The following TMPRSS11A variants were observed in gnomAD, a reference collection of about 807,000 sequenced individuals.
TMPRSS11A encodes the protein transmembrane serine protease 11A.
Under a neutral mutation model 58.9 loss-of-function variants are expected in TMPRSS11A, and 53 were observed. That is an observed-to-expected ratio of 0.90 (90% CI 0.72 to 1.13). TMPRSS11A has a LOEUF of 1.13. Among genes scored for constraint, TMPRSS11A ranks in the 50% most tolerant of loss-of-function variants. The pLI, the probability that TMPRSS11A is intolerant of heterozygous loss-of-function variation, is 0.00. For synonymous variants in TMPRSS11A, 167 were observed against 169.8 expected, an observed-to-expected ratio of 0.98 and a Z score of 0.13; for missense variants, 493 against 499.3, an observed-to-expected ratio of 0.99 and a Z score of 0.12.
intron 1 of TMPRSS11A, 56 bp downstream of exon 1, chr4:67,963,327 G>T: frequency 1.9e-6 from 3 of 1,596,940 alleles, no homozygotes; most frequent in African/African-American, 1.3e-5. Flanking sequence ...TCAGGAATCC[G>T]GCCACTGACA....
At chr4:67,948,565 A>G (rs957648867) in intron 1 of TMPRSS11A, among the ~76,000 whole-genome samples, 3 of 152,234 alleles carry the variant, frequency 2.0e-5, no homozygotes, top group Admixed American at 2.0e-4. Flanking sequence ...ATTAATCAAG[A>G]ATCCTCATGG....
intron 1 of TMPRSS11A, among the ~76,000 whole-genome samples, chr4:67,956,787 C>T (rs1021859383): frequency 6.6e-6 from 1 of 152,200 alleles, no homozygotes; most frequent in African/African-American, 2.4e-5. Flanking sequence ...CATCCTCTCT[C>T]TTTTATCTAT....
chr4:67,924,662 A>T (rs1054199286), intron 5 of TMPRSS11A, among the ~76,000 whole-genome samples: 7 of 152,210 alleles, frequency 4.6e-5, no homozygotes, highest in African/African-American at 1.7e-4. Flanking sequence ...GGCAAAAGGC[A>T]TGTCTTACAT....
At chr4:67,946,299 G>T in intron 2 of TMPRSS11A, 151 bp downstream of exon 2, 1 of 699,234 alleles carries the variant, frequency 1.4e-6, no homozygotes. Context: ...GTACTTGTTT[G>T]TTGATGAAAT....
At chr4:67,953,313 G>C (rs886991758) in intron 1 of TMPRSS11A, among the ~76,000 whole-genome samples, 2 of 152,034 alleles carry the variant, frequency 1.3e-5, no homozygotes, top group African/African-American at 4.8e-5. Context: ...TGCCTTTAAT[G>C]GTTTCAAATG....
In TMPRSS11A at chr4:67,914,302, TTTCTTTC is replaced by T. The variant is rs914565314; in HGVS notation, c.1095+279_1095+285del. 4.1e-3 allele frequency among the ~76,000 whole-genome samples: 625 copies of T among 152,352 alleles called. 6 individuals are homozygous for T. The highest frequency in any genetic ancestry group is 0.013 in the African/African-American group (541 of 41,576). On this transcript the variant is annotated intron_variant, in intron 9 of 9. Transcript: ENST00000508048. ...TTTATACTTCTCTGTTTATGATTAT[TTTCTTTC>T]TTGAATGTGAGCCGCTTGAGAAAAT...
At position 67,955,724 on chromosome 4, in the gene TMPRSS11A, T is replaced by A. The variant is rs78024661; in HGVS notation, c.11+7659A>T. ...TAGTGGGCCTCTACTATATCTTAGG[T>A]GCTGTGTTTGGCTTAGGGAGGAAGG... On this transcript the variant is annotated intron_variant, in intron 1 of 9. Transcript: ENST00000508048. 8.5e-5 allele frequency among the ~76,000 whole-genome samples: 13 copies of A among 152,284 alleles called. No individual in the cohort carries two copies. In the East Asian group the frequency reaches 2.5e-3, roughly 29 times the overall value.
chr4:67,943,520 T>A (rs1195049173), intron 3 of TMPRSS11A, among the ~76,000 whole-genome samples: 1 of 152,148 alleles, frequency 6.6e-6, no homozygotes, highest in African/African-American at 2.4e-5. Flanking sequence ...GGTGTATTGG[T>A]GCAGGCTCCC....
At chr4:67,933,481 A>G (rs1360975913) in intron 3 of TMPRSS11A, among the ~76,000 whole-genome samples, 1 of 152,228 alleles carries the variant, frequency 6.6e-6, no homozygotes, top group Non-Finnish European at 1.5e-5. Flanking sequence ...CAAGTAATTT[A>G]TTGACCTAAA....
chr4:67,947,634 T>C (rs528464701), intron 1 of TMPRSS11A, among the ~76,000 whole-genome samples: 11 of 152,350 alleles, frequency 7.2e-5, no homozygotes, highest in Non-Finnish European at 1.6e-4. Flanking sequence ...TATTTTATAT[T>C]GCATCACACC....
chr4:67,952,542 T>C (rs1352159444), intron 1 of TMPRSS11A, among the ~76,000 whole-genome samples: 1 of 152,222 alleles, frequency 6.6e-6, no homozygotes. Flanking sequence ...AATTCTTACA[T>C]ACTTTGAAAA....
rs1474021089 is a variant in TMPRSS11A, at chr4:67,922,920, C to G, written c.527G>C (p.Gly176Ala). The G allele has an allele frequency of 6.2e-7, 1 of 1,613,480 alleles. No individual in the cohort carries two copies. Among genetic ancestry groups the G allele is most frequent in the East Asian group, 2.2e-5 (1 of 44,894 alleles). Residue 176 changes from glycine to alanine, a missense_variant, in exon 7 of 10, where the codon GGT becomes GCT. Coordinates refer to ENST00000508048, the MANE Select transcript of TMPRSS11A (RefSeq NM_001114387.2). ...GACGTTTAATGGAACAACTCGTTTA[C>G]CACAACCTGAAAAAAGATGAGATCA... ...TGELTVQASC[G>A]KRVVPLNVNR... is the part of the protein sequence containing the mutation.
intron 5 of TMPRSS11A, among the ~76,000 whole-genome samples, chr4:67,926,171 A>G (rs920449012): frequency 5.3e-5 from 8 of 152,182 alleles, no homozygotes; most frequent in African/African-American, 1.9e-4. Flanking sequence ...AATGCAAAGA[A>G]GTTGATTTTA....
rs896081509 is a variant in TMPRSS11A, at chr4:67,934,969, G to A, written c.253-2909C>T. Among the ~76,000 whole-genome samples, 7 of 152,088 alleles carry A rather than the reference G, an allele frequency of 4.6e-5. 1 individual carries two copies. The East Asian group carries it at 9.7e-4, about 21-fold the overall frequency. ...AGATATAAAAGCTGTTTTTTCCAACGTAACACCAGGTGAGCTCCTTAGAAT... is the reference window on the plus strand; with the variant it reads ...AGATATAAAAGCTGTTTTTTCCAACATAACACCAGGTGAGCTCCTTAGAAT... On this transcript the variant is annotated intron_variant, in intron 3 of 9. Transcript: ENST00000508048.
rs544671963 is a variant in TMPRSS11A at position 67,930,385 on chromosome 4, G to T, written c.321-345C>A. Among the ~76,000 whole-genome samples, 4 of 152,126 alleles carry T rather than the reference G, an allele frequency of 2.6e-5. No homozygotes were observed. In the East Asian group the frequency reaches 7.8e-4, roughly 29 times the overall value. The stretch of plus-strand genomic sequence containing the variant: ...TTTGATACCTGAATCACTTCTACAG[G>T]GTCCATGACAATTGGCCCTCTAATG... On this transcript the variant is annotated intron_variant, in intron 4 of 9. Coordinates refer to ENST00000508048, the MANE Select transcript of TMPRSS11A (RefSeq NM_001114387.2).
chr4:67,951,537 A>G (rs1469920219), intron 1 of TMPRSS11A, among the ~76,000 whole-genome samples: 1 of 151,770 alleles, frequency 6.6e-6, no homozygotes, highest in Non-Finnish European at 1.5e-5. Context: ...GATCAACCAC[A>G]TGCTTTTGTC....
chr4:67,957,811 C>T (rs1304894057), intron 1 of TMPRSS11A, among the ~76,000 whole-genome samples: 1 of 152,164 alleles, frequency 6.6e-6, no homozygotes, highest in Admixed American at 6.5e-5. Flanking sequence ...CCTCCCATCA[C>T]AGGCCTGGAG....
intron 3 of TMPRSS11A, among the ~76,000 whole-genome samples, chr4:67,939,740 G>A (rs183324055): frequency 3.9e-5 from 6 of 152,292 alleles, no homozygotes; most frequent in Non-Finnish European, 8.8e-5. Context: ...CCAGGCTGGA[G>A]TGCAATGGCA....
At chr4:67,914,486 A>C in intron 9 of TMPRSS11A, 102 bp downstream of exon 9, 1 of 1,083,030 alleles carries the variant, frequency 9.2e-7, no homozygotes. Context: ...TTTTGAGCTG[A>C]CATGATATCT....
Sources: gnomAD v4.1 joint callset for allele counts (sites outside exome capture counted in the v4.1 genomes callset) on GRCh38, gnomAD v4.1.1 for gene constraint, MANE v1.5 for transcripts, NCBI Gene and HGNC (gene_info 2026-07-23, HGNC 2026-07-21) for gene names.